PREX2: variants seen among roughly 807,000 people sequenced by gnomAD.
The protein encoded by PREX2 is phosphatidylinositol 3,4,5-trisphosphate-dependent Rac exchanger 2 protein.
In PREX2, 107 loss-of-function variants were observed where a neutral mutation model predicts 203.2. The ratio of observed to expected loss-of-function variants is 0.53; its 90% CI spans 0.45 to 0.62. The LOEUF (loss-of-function observed/expected upper bound fraction) is 0.62, where lower values mean the gene tolerates loss of function less well. Among genes scored for constraint, PREX2 ranks in the 20% least tolerant of loss-of-function variants. The pLI is 0.00. For synonymous variants in PREX2, 672 were observed against 663.6 expected, an observed-to-expected ratio of 1.01 and a Z score of -0.19; for missense variants, 1,777 against 1,955.9, an observed-to-expected ratio of 0.91 and a Z score of 1.72.
At chr8:67,971,592 T>C (rs1179415401) in intron 1 of PREX2, among the ~76,000 whole-genome samples, 2 of 151,984 alleles carry the variant, frequency 1.3e-5, no homozygotes. Context: ...TGAGAAGAGA[T>C]GCACTGACAA....
intron 1 of PREX2, among the ~76,000 whole-genome samples, chr8:67,967,257 T>A (rs1805803132): frequency 6.6e-6 from 1 of 152,228 alleles, no homozygotes; most frequent in South Asian, 2.1e-4. Context: ...TAAATAAAGT[T>A]AATAGAACAG....
intron 39 of PREX2, among the ~76,000 whole-genome samples, chr8:68,228,398 G>C (rs1813092816): frequency 6.6e-6 from 1 of 151,964 alleles, no homozygotes; most frequent in African/African-American, 2.4e-5. Flanking sequence ...TGAGGTGAGA[G>C]GATTGCTTGA....
chr8:68,146,459 A>G, intron 34 of PREX2, 107 bp downstream of exon 34: 1 of 1,017,976 alleles, frequency 9.8e-7, no homozygotes. Context: ...TAATTTGAAA[A>G]TATTATTTAG....
At chr8:68,006,818 T>C (rs2129609876) in intron 1 of PREX2, among the ~76,000 whole-genome samples, 1 of 152,292 alleles carries the variant, frequency 6.6e-6, no homozygotes, top group South Asian at 2.1e-4. Flanking sequence ...ACAAGAAAAC[T>C]ATTGATGTTA....
chr8:68,155,202 T>C (rs1305805418), intron 34 of PREX2, among the ~76,000 whole-genome samples: 1 of 152,110 alleles, frequency 6.6e-6, no homozygotes, highest in Non-Finnish European at 1.5e-5. Flanking sequence ...TTTAAAGTAA[T>C]CAGTATACCA....
chr8:68,183,596 A>G (rs1264783265), intron 35 of PREX2, among the ~76,000 whole-genome samples: 2 of 152,170 alleles, frequency 1.3e-5, no homozygotes, highest in Admixed American at 6.6e-5. Context: ...TACATATCGC[A>G]GGAGCAGGAG....
intron 14 of PREX2, 98 bp downstream of exon 14, chr8:68,072,668 C>G: frequency 1.4e-6 from 1 of 692,066 alleles, no homozygotes; most frequent in East Asian, 2.7e-5. Flanking sequence ...CTGTAGCAGG[C>G]ATTTAAAAAA....
intron 6 of PREX2, among the ~76,000 whole-genome samples, chr8:68,035,081 C>T (rs2129610626): frequency 6.6e-6 from 1 of 152,062 alleles, no homozygotes; most frequent in East Asian, 1.9e-4. Flanking sequence ...TTGTATGTCA[C>T]AGAAATCAGA....
chr8:68,022,273 G>C (rs1585712946), intron 4 of PREX2, 133 bp downstream of exon 4: 1 of 575,376 alleles, frequency 1.7e-6, no homozygotes, highest in Non-Finnish European at 3.1e-6. Flanking sequence ...GGAAGCAAGA[G>C]TCCTTTGATG....
intron 17 of PREX2, among the ~76,000 whole-genome samples, chr8:68,081,861 ATTTTTT>A (rs546660073): frequency 7.2e-6 from 1 of 139,570 alleles, no homozygotes; most frequent in Non-Finnish European, 1.6e-5. Context: ...GGCCCAGCTG[ATTTTTT>A]TTTTTTTTTT....
intron 1 of PREX2, among the ~76,000 whole-genome samples, chr8:67,990,521 T>G (rs1806566687): frequency 6.6e-6 from 1 of 151,128 alleles, no homozygotes; most frequent in Admixed American, 6.6e-5. Context: ...AATTTTTAAT[T>G]TTTTTTGAGT....
chr8:68,208,447 GA>G (rs1056224996), intron 37 of PREX2, among the ~76,000 whole-genome samples: 60 of 148,566 alleles, frequency 4.0e-4, no homozygotes, highest in African/African-American at 9.1e-4. Flanking sequence ...TGAGGCCACT[GA>G]AAAAAAAAAT....
At chr8:68,210,978 A>T (rs1476268045) in intron 37 of PREX2, among the ~76,000 whole-genome samples, 1 of 152,194 alleles carries the variant, frequency 6.6e-6, no homozygotes, top group Non-Finnish European at 1.5e-5. Context: ...TTTGCATGTA[A>T]GCCAATTTAG....
chr8:68,030,213 T>G (rs1364745413), intron 5 of PREX2, among the ~76,000 whole-genome samples: 1 of 152,140 alleles, frequency 6.6e-6, no homozygotes, highest in Non-Finnish European at 1.5e-5. Context: ...ACATAAAAAT[T>G]TATCCTCCCA....
chr8:68,083,604 A>T (rs971914434), intron 18 of PREX2, among the ~76,000 whole-genome samples: 2 of 152,190 alleles, frequency 1.3e-5, no homozygotes, highest in Non-Finnish European at 2.9e-5. Flanking sequence ...TTTTAGTGGA[A>T]ACAATGCTTT....
At chr8:68,148,766 A>G (rs917984105) in intron 34 of PREX2, among the ~76,000 whole-genome samples, 1 of 152,260 alleles carries the variant, frequency 6.6e-6, no homozygotes, top group Admixed American at 6.5e-5. Flanking sequence ...AGTTGAGGTC[A>G]CAGATAGGTA....
At chr8:68,057,647 A>C (rs7009963) in intron 10 of PREX2, among the ~76,000 whole-genome samples, 44,399 of 152,102 alleles carry the variant, frequency 0.29, 9,005 homozygotes, top group African/African-American at 0.58. Context: ...CAGCAAAACG[A>C]CAGTATCTCT....
At chr8:68,099,042 A>T (rs1032223098) in intron 22 of PREX2, among the ~76,000 whole-genome samples, 2 of 149,918 alleles carry the variant, frequency 1.3e-5, no homozygotes, top group African/African-American at 4.9e-5. Flanking sequence ...TTCCCCATCA[A>T]CACATATTAT....
intron 10 of PREX2, 115 bp downstream of exon 10, chr8:68,056,089 T>A: frequency 9.9e-7 from 1 of 1,014,372 alleles, no homozygotes; most frequent in Non-Finnish European, 1.5e-6. Flanking sequence ...TTTTGAAAAC[T>A]TCTTTACAGT....
Sources: gnomAD v4.1 joint callset for allele counts (sites outside exome capture counted in the v4.1 genomes callset) on GRCh38, gnomAD v4.1.1 for gene constraint, MANE v1.5 for transcripts, NCBI Gene and HGNC (gene_info 2026-07-23, HGNC 2026-07-21) for gene names.